The following POU2F2 variants were observed in gnomAD, a reference collection of about 807,000 sequenced individuals.
POU2F2 encodes the protein POU class 2 homeobox 2.
A neutral mutation model predicts 63.5 loss-of-function variants in POU2F2; 14 were observed. The observed-to-expected ratio is 0.22, with a 90% CI of 0.15 to 0.34. The LOEUF (loss-of-function observed/expected upper bound fraction) is 0.34, where lower values mean the gene tolerates loss of function less well. Among genes scored for constraint, POU2F2 ranks in the 10% least tolerant of loss-of-function variants. The pLI is 1.00. For synonymous variants in POU2F2, 306 were observed against 348.6 expected (o/e 0.88, Z 1.36); for missense variants, 607 against 815.2 (o/e 0.74, Z 3.11).
intron 2 of POU2F2, among the ~76,000 whole-genome samples, chr19:42,140,310 C>T (rs555840030): frequency 6.6e-6 from 1 of 152,190 alleles, no homozygotes; most frequent in Admixed American, 6.5e-5. Context: ...GCTCAGAGGC[C>T]GCCGCTGTCA....
intron 2 of POU2F2, among the ~76,000 whole-genome samples, chr19:42,151,304 G>A (rs1313912526): frequency 2.6e-5 from 4 of 151,960 alleles, no homozygotes; most frequent in African/African-American, 4.8e-5. Flanking sequence ...GGATGGCCAT[G>A]GGCAGAAGGC....
At chr19:42,188,930 A>AGGAAGGAAGGAAGGAG (rs2035046058) in intron 1 of POU2F2, among the ~76,000 whole-genome samples, 1 of 150,608 alleles carries the variant, frequency 6.6e-6, no homozygotes, top group Non-Finnish European at 1.5e-5. Context: ...GAAGGAAGGA[A>AGGAAGGAAGGAAGGAG]GGAAGGAAGG....
chr19:42,091,895 C>A lies in POU2F2; in HGVS notation c.1512G>T (p.Met504Ile). ...GLSSGLSPAL[M>I]SNNPLATIQA... ...GGATAGTGGCCAAAGGGTTGTTGCT[C>A]ATGAGGGCTGGACTCAGCCCGGAGC... The change falls in exon 14 of 15, where the codon ATG becomes ATT. Residue 504 changes from methionine to isoleucine, a missense_variant. Physicochemically the swap from Met to Ile is conservative, Grantham distance 10. Coordinates refer to ENST00000692977, the MANE Select transcript of POU2F2 (RefSeq NM_001394376.1). The A allele has an allele frequency of 6.5e-7, 1 of 1,539,776 alleles. No individual in the cohort carries two copies. The highest frequency in any genetic ancestry group is 1.2e-5 in the South Asian group (1 of 84,060).
At chr19:42,157,660 C>A in intron 2 of POU2F2, 1 of 152,390 alleles carries the variant, frequency 6.6e-6, no homozygotes. Flanking sequence ...TGAGAGCAGA[C>A]ATTAACCATA....
chr19:42,185,325 C>A (rs1401963025), intron 1 of POU2F2, among the ~76,000 whole-genome samples: 1 of 152,062 alleles, frequency 6.6e-6, no homozygotes, highest in African/African-American at 2.4e-5. Flanking sequence ...CCTCTTGCCC[C>A]CTTTCTAGTC....
At position 42,099,831 on chromosome 19, in the gene POU2F2, A is replaced by T; in HGVS notation, c.370-10T>A. The T allele has an allele frequency of 6.4e-7, 1 of 1,553,032 alleles. No individual in the cohort carries two copies. The highest frequency in any genetic ancestry group is 8.7e-7 in the Non-Finnish European group (1 of 1,147,748). The stretch of plus-strand genomic sequence containing the variant: ...GGAGCTGCTGTATGTCCTGGCAGGG[A>T]GTGGGGTGGACAGAAAGATAGCCTG... On this transcript the variant is annotated splice_polypyrimidine_tract_variant and intron_variant, in intron 5 of 14. Coordinates refer to ENST00000692977, the MANE Select transcript of POU2F2 (RefSeq NM_001394376.1).
intron 1 of POU2F2, among the ~76,000 whole-genome samples, chr19:42,195,075 A>AAGGGAGGG (rs1397863998): frequency 6.0e-4 from 2 of 3,318 alleles, no homozygotes; most frequent in African/African-American, 1.4e-3. Flanking sequence ...GGGAGGAAGG[A>AAGGGAGGG]AGGGAGGGAG....
At chr19:42,126,773 G>T (rs1357746981) in intron 1 of POU2F2, among the ~76,000 whole-genome samples, 2 of 152,136 alleles carry the variant, frequency 1.3e-5, no homozygotes. Flanking sequence ...CAAGACCAAT[G>T]CGACAGGCCT....
Position 42,117,507 on chromosome 19 carries a change from A to T in POU2F2, c.187-75T>A. 2.9e-6 allele frequency: 2 copies of T among 683,348 alleles called. No homozygotes were observed. Among genetic ancestry groups the T allele is most frequent in the South Asian group, 3.5e-5 (2 of 56,720 alleles). The allele number at this position is 683,348 out of a possible 1,614,324, so 42.3% of individuals were successfully genotyped here. On this transcript the variant is annotated intron_variant, in intron 4 of 14. Transcript: ENST00000692977. The surrounding 1 kb of genome is among the most constrained non-coding windows in gnomAD (Gnocchi z 4.4). ...ACAGGAGGAGCAGACTGGGGTGTGG[A>T]CATGAGGGTGCAGTCTGTGGTCCTG...
At chr19:42,122,675 T>G (rs968932317) in intron 1 of POU2F2, 99 bp from the exon 2 acceptor site, 17 of 1,113,582 alleles carry the variant, frequency 1.5e-5, no homozygotes, top group Admixed American at 2.9e-5. Context: ...TTCCCCCAAA[T>G]TCCCCCCTTA....
intron 1 of POU2F2, among the ~76,000 whole-genome samples, chr19:42,129,340 C>T (rs1181395872): frequency 6.6e-6 from 1 of 152,050 alleles, no homozygotes; most frequent in East Asian, 1.9e-4. Context: ...CCCTTGAATC[C>T]CACCTTCCTC....
chr19:42,145,053 C>G (rs1307492516), intron 2 of POU2F2, among the ~76,000 whole-genome samples: 1 of 152,190 alleles, frequency 6.6e-6, no homozygotes, highest in Non-Finnish European at 1.5e-5. Context: ...TGTCACATTC[C>G]TGAGGGGATG....
At chr19:42,099,159 T>C (rs1054221759) in intron 7 of POU2F2, among the ~76,000 whole-genome samples, 3 of 152,254 alleles carry the variant, frequency 2.0e-5, no homozygotes, top group African/African-American at 7.2e-5. Flanking sequence ...TCCGTTGCAG[T>C]GCTGGAAGAG....
intron 5 of POU2F2, chr19:42,116,953 G>C (rs1461418352): frequency 1.2e-5 from 7 of 591,726 alleles, no homozygotes; most frequent in Non-Finnish European, 1.9e-5. Context: ...CAGGAGCTGG[G>C]CCTGGGCTTG....
intron 1 of POU2F2, among the ~76,000 whole-genome samples, chr19:42,174,129 CTG>C (rs752480374): frequency 3.3e-5 from 5 of 152,200 alleles, no homozygotes; most frequent in Non-Finnish European, 5.9e-5. Context: ...CCCGCGACCT[CTG>C]TGCACTCACA....
chr19:42,135,747 G>A (rs942949241), upstream of POU2F2, among the ~76,000 whole-genome samples: 6 of 143,640 alleles, frequency 4.2e-5, no homozygotes, highest in African/African-American at 1.6e-4. Flanking sequence ...TCACTCTGTC[G>A]CTCAGGCTGG....
At chr19:42,197,815 A>G (rs538109324), upstream of POU2F2, among the ~76,000 whole-genome samples, 3 of 152,204 alleles carry the variant, frequency 2.0e-5, no homozygotes, top group East Asian at 5.8e-4. Flanking sequence ...CTATCTTTTC[A>G]TTTTCCAAAG....
At position 42,096,350 on chromosome 19, in the gene POU2F2, G is replaced by T. The variant is rs2076921704; in HGVS notation, c.568-107C>A. The stretch of plus-strand genomic sequence containing the variant: ...CCCTCTTCGCCCCTGCGTTCCATCC[G>T]CCGCCTGCAGACTCCCCCCGCCTTC... On this transcript the variant is annotated intron_variant, in intron 7 of 14. Transcript: ENST00000692977. This position sits in a 1 kb window ranked among gnomAD's most constrained non-coding sequence, Gnocchi z 4.1. 8.4e-7 allele frequency: 1 copy of T among 1,185,232 alleles called. No individual in the cohort carries two copies. The highest frequency in any genetic ancestry group is 1.2e-6 in the Non-Finnish European group (1 of 869,254). The allele number at this position is 1,185,232 out of a possible 1,614,324, so 73.4% of individuals were successfully genotyped here.
At chr19:42,150,670 C>T (rs1430085694) in intron 2 of POU2F2, among the ~76,000 whole-genome samples, 1 of 151,346 alleles carries the variant, frequency 6.6e-6, no homozygotes, top group Non-Finnish European at 1.5e-5. Flanking sequence ...CCTGCCCTTT[C>T]TCTCTCCTGC....
Sources: allele counts gnomAD v4.1 joint callset (sites outside exome capture counted in the v4.1 genomes callset), GRCh38; gene constraint gnomAD v4.1.1; non-coding constraint Gnocchi (gnomAD v3.1); transcripts MANE v1.5; gene names NCBI Gene and HGNC (gene_info 2026-07-23, HGNC 2026-07-21).